SCAMP1: variants seen among roughly 807,000 people sequenced by gnomAD.
SCAMP1 encodes the protein secretory carrier-associated membrane protein 1.
A neutral mutation model predicts 41.8 loss-of-function variants in SCAMP1; 15 were observed. The observed-to-expected ratio is 0.36, with a 90% confidence interval of 0.24 to 0.55. The LOEUF is 0.55. Ranked by LOEUF, SCAMP1 falls within the 20% of genes least tolerant of loss-of-function variation. SCAMP1 has a pLI of 0.86. For synonymous variants in SCAMP1, 135 were observed against 136.8 expected, an observed-to-expected ratio of 0.99 and a Z score of 0.09; for missense variants, 341 against 412.6, an observed-to-expected ratio of 0.83 and a Z score of 1.50.
intron 6 of SCAMP1, among the ~76,000 whole-genome samples, chr5:78,439,405 G>C (rs1293768419): frequency 6.7e-6 from 1 of 149,584 alleles, no homozygotes; most frequent in Non-Finnish European, 1.5e-5. Context: ...TGTAAGGCAG[G>C]CCTAGTGATG....
At chr5:78,452,788 G>T (rs1305045858) in intron 7 of SCAMP1, among the ~76,000 whole-genome samples, 1 of 146,180 alleles carries the variant, frequency 6.8e-6, no homozygotes, top group East Asian at 2.0e-4. Context: ...GGTTGAACTA[G>T]TTTACAGTCC....
chr5:78,467,619 A>T (rs1459942956), intron 8 of SCAMP1, among the ~76,000 whole-genome samples: 2 of 152,182 alleles, frequency 1.3e-5, no homozygotes, highest in African/African-American at 2.4e-5. Flanking sequence ...TAAAGAAGTT[A>T]CCAGAACTTC....
chr5:78,415,636 G>T lies in SCAMP1; in HGVS notation c.234+18G>T, dbSNP rs781618679. ...TTGCAAAGGTTAGTTCATGTTAGTT[G>T]TATAAATTCATATTGGCCATTATAA... is the stretch of plus-strand genomic sequence containing the variant. On this transcript the variant is annotated intron_variant, in intron 3 of 8. Transcript: ENST00000621999. The T allele has an allele frequency of 4.1e-6, 6 of 1,461,834 alleles. No homozygotes were observed. The African/African-American group carries it at 7.0e-5, about 17-fold the overall frequency. The allele number at this position is 1,461,834 out of a possible 1,614,324, so 90.6% of individuals were successfully genotyped here.
chr5:78,410,999 G>A (rs997578470), intron 2 of SCAMP1, among the ~76,000 whole-genome samples: 7 of 151,546 alleles, frequency 4.6e-5, no homozygotes, highest in African/African-American at 1.7e-4. Context: ...TTTTTTTCTT[G>A]TAAATAAGTT....
chr5:78,404,389 C>G (rs1223289147), intron 2 of SCAMP1, among the ~76,000 whole-genome samples: 1 of 151,042 alleles, frequency 6.6e-6, no homozygotes, highest in African/African-American at 2.4e-5. Flanking sequence ...TCAAACAGTC[C>G]TCTTGCCTCA....
intron 1 of SCAMP1, among the ~76,000 whole-genome samples, chr5:78,377,110 A>G (rs1561251600): frequency 6.6e-6 from 1 of 152,162 alleles, no homozygotes; most frequent in Non-Finnish European, 1.5e-5. Context: ...AGGTAAGGAA[A>G]AAAAAAGCTG....
intron 8 of SCAMP1, among the ~76,000 whole-genome samples, chr5:78,475,139 A>T (rs868760267): frequency 1.4e-4 from 21 of 152,150 alleles, no homozygotes; most frequent in Admixed American, 2.0e-4. Context: ...GTCTGGGGTA[A>T]TAAATTAATG....
At chr5:78,459,384 A>C in intron 8 of SCAMP1, 22 bp downstream of exon 8, 1 of 1,167,266 alleles carries the variant, frequency 8.6e-7, no homozygotes, top group Non-Finnish European at 1.3e-6. Flanking sequence ...TTTATGTCTA[A>C]ATTTTTATAG....
intron 8 of SCAMP1, among the ~76,000 whole-genome samples, chr5:78,467,620 C>A (rs1417344137): frequency 6.6e-6 from 1 of 152,090 alleles, no homozygotes; most frequent in Admixed American, 6.6e-5. Flanking sequence ...AAAGAAGTTA[C>A]CAGAACTTCT....
Position 78,416,535 on chromosome 5 carries a change from A to G in SCAMP1, c.235-6A>G, listed in dbSNP as rs776462595. The stretch of plus-strand genomic sequence containing the variant: ...GTCTATTCACATATTGATATTTTTT[A>G]TTTAGGAACATGCATTGGCCCAAGC... On this transcript the variant is annotated splice_polypyrimidine_tract_variant and splice_region_variant and intron_variant, in intron 3 of 8. Transcript: ENST00000621999. 6.4e-7 allele frequency: 1 copy of G among 1,572,514 alleles called. No individual in the cohort carries two copies. Among genetic ancestry groups the G allele is most frequent in the Non-Finnish European group, 8.6e-7 (1 of 1,159,132 alleles).
At chr5:78,388,128 A>G (rs138527357) in intron 1 of SCAMP1, among the ~76,000 whole-genome samples, 1 of 152,316 alleles carries the variant, frequency 6.6e-6, no homozygotes, top group East Asian at 1.9e-4. Flanking sequence ...TTTTTGGAGC[A>G]AGAGGTTCAC....
At chr5:78,372,071 GT>G (rs1750955750) in intron 1 of SCAMP1, among the ~76,000 whole-genome samples, 1 of 152,206 alleles carries the variant, frequency 6.6e-6, no homozygotes, top group Non-Finnish European at 1.5e-5. Context: ...ACAATGCATA[GT>G]GTAGAAGCAT....
intron 1 of SCAMP1, among the ~76,000 whole-genome samples, chr5:78,371,929 G>A (rs1255440327): frequency 6.6e-6 from 1 of 152,160 alleles, no homozygotes; most frequent in African/African-American, 2.4e-5. Flanking sequence ...AAATTAGGAA[G>A]GAGGGATTTG....
chr5:78,439,635 GCTGCC>G (rs1752866398), intron 6 of SCAMP1, among the ~76,000 whole-genome samples: 1 of 152,108 alleles, frequency 6.6e-6, no homozygotes, highest in Non-Finnish European at 1.5e-5. Flanking sequence ...TTTCTCTCTG[GCTGCC>G]CTTTACATTT....
intron 1 of SCAMP1, 28 bp downstream of exon 1, chr5:78,360,756 CGCCGCGACGCGTCGTT>C (rs1158082186): frequency 6.3e-7 from 1 of 1,589,158 alleles, no homozygotes; most frequent in African/African-American, 1.4e-5. Flanking sequence ...CATCTCCTGC[CGCCGCGACGCGTCGTT>C]GTTTGTGAAA....
rs1752580953 is a variant in SCAMP1, at chr5:78,430,220, ATT to A, written c.632+8262_632+8263del. Among the ~76,000 whole-genome samples, 12 of 95,558 alleles carry A rather than the reference ATT, an allele frequency of 1.3e-4. 5 individuals are homozygous for A. Among genetic ancestry groups the A allele is most frequent in the African/African-American group, 8.7e-4 (12 of 13,818 alleles). 62.7% of individuals were successfully genotyped at this position (95,558 alleles called of 152,430 possible). On this transcript the variant is annotated intron_variant, in intron 6 of 8. Coordinates refer to ENST00000621999, the MANE Select transcript of SCAMP1 (RefSeq NM_004866.6). ...TACAGTATTTATTTATAAATACAGT[ATT>A]TATTTATAAATACAGTATTTATTTA...
chr5:78,415,687 AAAAT>A (rs1250188547), intron 3 of SCAMP1, 69 bp downstream of exon 3: 1 of 959,192 alleles, frequency 1.0e-6, no homozygotes, highest in African/African-American at 1.7e-5. Flanking sequence ...CTTTCAGAGC[AAAAT>A]AAATCTTTAT....
At chr5:78,406,940 T>C (rs950386599) in intron 2 of SCAMP1, among the ~76,000 whole-genome samples, 1 of 152,214 alleles carries the variant, frequency 6.6e-6, no homozygotes, top group Non-Finnish European at 1.5e-5. Flanking sequence ...CTCTGCACAC[T>C]CTGCTTTTCT....
chr5:78,469,890 TAAAAAAAAAAAAAAAAAAAAAACA>T (rs1157479282), intron 8 of SCAMP1, among the ~76,000 whole-genome samples: 13 of 15,024 alleles, frequency 8.7e-4, no homozygotes, highest in South Asian at 0.011. Flanking sequence ...TACAAGACAT[TAAAAAAAAAAAAAAAAAAAAAACA>T]AAAAAAAAAA....
Sources: gnomAD v4.1 joint callset for allele counts (sites outside exome capture counted in the v4.1 genomes callset) on GRCh38, gnomAD v4.1.1 for gene constraint, MANE v1.5 for transcripts, NCBI Gene and HGNC (gene_info 2026-07-23, HGNC 2026-07-21) for gene names.